The following SULT1C3 variants were observed in gnomAD, a reference collection of about 807,000 sequenced individuals.
SULT1C3 encodes sulfotransferase 1C3.
In SULT1C3, 31 loss-of-function variants were observed where a neutral mutation model predicts 28.4. That is an observed-to-expected ratio of 1.09 (90% CI 0.82 to 1.47). SULT1C3 has a LOEUF of 1.47. Ranked by LOEUF, SULT1C3 falls within the 40% of genes most tolerant of loss-of-function variation. SULT1C3 has a pLI of 0.00. For synonymous variants in SULT1C3, 106 were observed against 92.2 expected, an observed-to-expected ratio of 1.15 and a Z score of -0.86; for missense variants, 307 against 272.5, an observed-to-expected ratio of 1.13 and a Z score of -0.89.
intron 1 of SULT1C3, 81 bp from the exon 2 acceptor site, chr2:108,247,107 C>T (rs1277415247): frequency 6.6e-6 from 7 of 1,060,932 alleles, no homozygotes; most frequent in Non-Finnish European, 8.8e-6. Flanking sequence ...TAATCAAAGG[C>T]AGTAAGATGA....
chr2:108,247,183 C>T lies in SULT1C3; in HGVS notation c.-7-5C>T. On this transcript the variant is annotated splice_region_variant and splice_polypyrimidine_tract_variant and intron_variant, in intron 1 of 7. Coordinates refer to ENST00000681802, the MANE Select transcript of SULT1C3 (RefSeq NM_001320878.2). ...TTTAATTAGTATTGATCTTACCCAT[C>T]CCAGATTCCCAATGGCGAAGATTGA... 2 of 1,507,142 alleles carry T rather than the reference C, an allele frequency of 1.3e-6. No homozygotes were observed. The highest frequency in any genetic ancestry group is 1.8e-6 in the Non-Finnish European group (2 of 1,125,832). 93.4% of individuals were successfully genotyped at this position (1,507,142 alleles called of 1,614,324 possible). A position where few individuals can be genotyped will look rare whatever the true frequency, so the allele number is the denominator to read the frequency against.
downstream of SULT1C3, chr2:108,264,831 A>C (rs1448837001): frequency 6.2e-7 from 1 of 1,608,854 alleles, no homozygotes; most frequent in Middle Eastern, 1.7e-4. Context: ...ACAGGACCCA[A>C]AGCGGGAAAT....
rs1041817602 is a variant in SULT1C3 at position 108,260,584 on chromosome 2, G to A, written c.819G>A (p.Trp273Ter). The change falls in exon 8 of 8, where the codon TGG becomes TGA. Residue 273 changes from tryptophan (W) to a stop codon, truncating the protein, a stop_gained. Transcript: ENST00000681802. LOFTEE classifies it low-confidence loss of function (END_TRUNC). ...GTCCTACAGGGATGCCTGGAGACTG[G>A]AAGAACCACTTTACTGTGGCTTTGA... ...KFMRKGMPGD[W>*]KNHFTVALNE... is the part of the protein sequence containing the mutation. The A allele has an allele frequency of 7.8e-6, 4 of 514,718 alleles. No individual in the cohort carries two copies. The highest frequency in any genetic ancestry group is 3.9e-5 in the Admixed American group (2 of 50,916). The allele number at this position is 514,718 out of a possible 1,614,324, so 31.9% of individuals were successfully genotyped here. A position where few individuals can be genotyped will look rare whatever the true frequency, so the allele number is the denominator to read the frequency against.
At chr2:108,264,834 C>A (rs200821230), downstream of SULT1C3, 4 of 1,608,274 alleles carry the variant, frequency 2.5e-6, no homozygotes, top group African/African-American at 4.0e-5. Context: ...GGACCCAAAG[C>A]GGGAAATTGA....
chr2:108,259,124 C>T lies in SULT1C3; in HGVS notation c.780C>T (p.Ser260=). The change falls in exon 7 of 8, where the codon TCC becomes TCT. Residue 260 remains serine, a synonymous_variant. Transcript: ENST00000681802. ...TAVPAHIFNH[S]ISKFMRKGMP... is the part of the protein sequence containing the mutation. ...TACCTGCTCACATATTCAATCACTC[C>T]ATCTCAAAATTTATGAGGAAAGGTT... 1 of 441,090 alleles carries T rather than the reference C, an allele frequency of 2.3e-6. No homozygotes were observed. Among genetic ancestry groups the T allele is most frequent in the Non-Finnish European group, 4.2e-6 (1 of 239,040 alleles). The allele number at this position is 441,090 out of a possible 1,614,324, so 27.3% of individuals were successfully genotyped here. A position where few individuals can be genotyped will look rare whatever the true frequency, so the allele number is the denominator to read the frequency against.
At chr2:108,242,350 A>G (rs548404240) in intron 1 of SULT1C3, among the ~76,000 whole-genome samples, 14 of 152,292 alleles carry the variant, frequency 9.2e-5, no homozygotes, top group African/African-American at 3.1e-4. Flanking sequence ...AAGATTTTTC[A>G]TTTGCCAGTT....
intron 1 of SULT1C3, among the ~76,000 whole-genome samples, chr2:108,246,313 T>G (rs183940326): frequency 1.4e-4 from 22 of 152,322 alleles, no homozygotes; most frequent in African/African-American, 5.1e-4. Context: ...TACAAATTTA[T>G]TGTATTAGTC....
intron 1 of SULT1C3, among the ~76,000 whole-genome samples, chr2:108,246,381 G>T (rs1675576458): frequency 6.6e-6 from 1 of 152,096 alleles, no homozygotes; most frequent in African/African-American, 2.4e-5. Flanking sequence ...AAAATAACGA[G>T]GTTTAACAGA....
At chr2:108,240,755 T>C (rs1329686964) in intron 1 of SULT1C3, among the ~76,000 whole-genome samples, 2 of 152,214 alleles carry the variant, frequency 1.3e-5, no homozygotes, top group East Asian at 1.9e-4. Flanking sequence ...GAGACTAGAA[T>C]TTAATGACAA....
intron 5 of SULT1C3, among the ~76,000 whole-genome samples, chr2:108,256,480 C>G (rs1675871333): frequency 1.3e-5 from 2 of 152,002 alleles, no homozygotes; most frequent in South Asian, 4.1e-4. Flanking sequence ...GTGAGCAGAA[C>G]CTAGACAAAT....
intron 4 of SULT1C3, among the ~76,000 whole-genome samples, chr2:108,254,717 G>GCA: frequency 6.9e-6 from 1 of 145,152 alleles, no homozygotes; most frequent in African/African-American, 2.7e-5. Context: ...ATATATGTAT[G>GCA]TATATATATG....
intron 2 of SULT1C3, among the ~76,000 whole-genome samples, chr2:108,248,173 G>T (rs895218796): frequency 6.6e-6 from 1 of 152,260 alleles, no homozygotes; most frequent in East Asian, 1.9e-4. Flanking sequence ...AAGGATACAA[G>T]AACCAACGTG....
At chr2:108,241,713 G>A (rs1490797268) in intron 1 of SULT1C3, among the ~76,000 whole-genome samples, 1 of 152,162 alleles carries the variant, frequency 6.6e-6, no homozygotes, top group African/African-American at 2.4e-5. Context: ...GGGTCATGAG[G>A]TCAGGAGATT....
chr2:108,244,971 A>C (rs927062553), intron 1 of SULT1C3, among the ~76,000 whole-genome samples: 9 of 152,150 alleles, frequency 5.9e-5, no homozygotes, highest in African/African-American at 2.2e-4. Context: ...AGTGCTTCAA[A>C]ATACACTCCA....
At chr2:108,264,991 C>T (rs1021551479), downstream of SULT1C3, 12 of 1,610,210 alleles carry the variant, frequency 7.5e-6, no homozygotes, top group Admixed American at 1.9e-4. Context: ...TCCATCTCCC[C>T]TTTTATGAGG....
rs547131956 is a variant in SULT1C3 at position 108,246,196 on chromosome 2, C to G, written c.-7-992C>G. On this transcript the variant is annotated intron_variant, in intron 1 of 7. Transcript: ENST00000681802. ...CAACAAGTCTCTAGAAAGTTCCAAACTTTCCCACATTTTCCTGTCTTCTTC... is the reference window on the plus strand; with the variant it reads ...CAACAAGTCTCTAGAAAGTTCCAAAGTTTCCCACATTTTCCTGTCTTCTTC... Among the ~76,000 whole-genome samples, 3 of 152,326 alleles carry G rather than the reference C, an allele frequency of 2.0e-5. No homozygotes were observed. The East Asian group carries it at 5.8e-4, about 29-fold the overall frequency.
At chr2:108,240,510 T>C (rs1675441314) in intron 1 of SULT1C3, among the ~76,000 whole-genome samples, 1 of 152,222 alleles carries the variant, frequency 6.6e-6, no homozygotes, top group Non-Finnish European at 1.5e-5. Context: ...GTCTGTGAAC[T>C]TTCTTAGTTT....
chr2:108,247,236 G>A lies in SULT1C3; in HGVS notation c.42G>A (p.Lys14=). Residue 14 remains lysine, a synonymous_variant, in exon 2 of 8, where the codon AAG becomes AAA. Coordinates refer to ENST00000681802, the MANE Select transcript of SULT1C3 (RefSeq NM_001320878.2). ...AAAACGCTCCCACGATGGAAAAAAA[G>A]CCAGAACTGTTTAACATCATGGAAG... ...IEKNAPTMEK[K]PELFNIMEVD... 1.9e-6 allele frequency: 3 copies of A among 1,570,514 alleles called. No individual in the cohort carries two copies. Among genetic ancestry groups the A allele is most frequent in the Non-Finnish European group, 2.6e-6 (3 of 1,155,986 alleles).
chr2:108,258,672 T>C, intron 5 of SULT1C3, 62 bp from the exon 6 acceptor site: 5 of 1,232,940 alleles, frequency 4.1e-6, no homozygotes, highest in Non-Finnish European at 5.8e-6. Flanking sequence ...AGCACTAATT[T>C]ACTTTATAGC....
Sources: allele counts gnomAD v4.1 joint callset (sites outside exome capture counted in the v4.1 genomes callset), GRCh38; gene constraint gnomAD v4.1.1; transcripts MANE v1.5; gene names NCBI Gene and HGNC (gene_info 2026-07-23, HGNC 2026-07-21).